Variants in PTPRD observed in about 807,000 individuals in gnomAD.
PTPRD encodes receptor-type tyrosine-protein phosphatase delta.
In PTPRD, 34 loss-of-function variants were observed where a neutral mutation model predicts 214.5. The ratio of observed to expected loss-of-function variants is 0.16; its 90% CI spans 0.12 to 0.21. The LOEUF (loss-of-function observed/expected upper bound fraction) is 0.21. Ranked by LOEUF, PTPRD falls within the 10% of genes least tolerant of loss-of-function variation. The pLI is 1.00. For missense variants in PTPRD, 2,545 were observed against 2,398.7 expected (o/e 1.06, Z -1.27); for synonymous variants, 1,128 against 845.7 (o/e 1.33, Z -5.79).
intron 36 of PTPRD, among the ~76,000 whole-genome samples, chr9:8,396,663 T>A (rs1462781612): frequency 6.6e-6 from 1 of 152,170 alleles, no homozygotes. Flanking sequence ...TTAAAAATGC[T>A]TTTTCTCTTT....
chr9:9,949,171 A>G (rs2093161636), intron 4 of PTPRD, among the ~76,000 whole-genome samples: 1 of 152,114 alleles, frequency 6.6e-6, no homozygotes. Context: ...TGTAGAAAAT[A>G]TTCCTTAAAA....
chr9:8,616,397 C>T (rs2095613410), intron 14 of PTPRD, among the ~76,000 whole-genome samples: 1 of 152,090 alleles, frequency 6.6e-6, no homozygotes, highest in Admixed American at 6.6e-5. Flanking sequence ...AAATATTTAA[C>T]ACCTTGCTTT....
rs370442357 is a variant in PTPRD at position 9,376,356 on chromosome 9, T to C, written c.-203+21093A>G. Among the ~76,000 whole-genome samples the C allele has an allele frequency of 1.3e-3, 202 of 152,298 alleles. 3 individuals are homozygous for C. In the South Asian group the frequency reaches 0.04, roughly 30 times the overall value. On this transcript the variant is annotated intron_variant, in intron 9 of 45. Coordinates refer to ENST00000381196, the MANE Select transcript of PTPRD (RefSeq NM_002839.4). Reference sequence around the variant, plus strand: ...CTCCTATAAAATTTGACTTTGGCTATAGACAACTTAATCAGTGATTACTAA... The same window carrying C: ...CTCCTATAAAATTTGACTTTGGCTACAGACAACTTAATCAGTGATTACTAA...
intron 5 of PTPRD, among the ~76,000 whole-genome samples, chr9:9,888,425 A>T (rs1337025060): frequency 6.6e-6 from 1 of 152,004 alleles, no homozygotes; most frequent in African/African-American, 2.4e-5. Flanking sequence ...CTCATGTGAA[A>T]ATCTCATCTT....
At chr9:9,748,491 A>G (rs1192468911) in intron 6 of PTPRD, among the ~76,000 whole-genome samples, 1 of 152,260 alleles carries the variant, frequency 6.6e-6, no homozygotes, top group Non-Finnish European at 1.5e-5. Flanking sequence ...ACTTATTTTG[A>G]AAACAGAAAA....
At chr9:9,676,245 T>G (rs778646601) in intron 7 of PTPRD, among the ~76,000 whole-genome samples, 28 of 151,932 alleles carry the variant, frequency 1.8e-4, no homozygotes, top group Non-Finnish European at 3.2e-4. Context: ...CATTTAACGT[T>G]AGGTGTATCT....
intron 12 of PTPRD, among the ~76,000 whole-genome samples, chr9:8,709,169 A>G (rs1426679840): frequency 6.6e-6 from 1 of 152,104 alleles, no homozygotes; most frequent in African/African-American, 2.4e-5. Flanking sequence ...AGTTCAACAG[A>G]TCTACTGTAC....
At chr9:10,171,006 C>A (rs2099200719) in intron 3 of PTPRD, among the ~76,000 whole-genome samples, 1 of 152,138 alleles carries the variant, frequency 6.6e-6, no homozygotes, top group Admixed American at 6.5e-5. Context: ...CAGTCTAGCA[C>A]CATTACAATT....
chr9:9,134,819 G>A (rs1280946276), intron 10 of PTPRD, among the ~76,000 whole-genome samples: 1 of 152,112 alleles, frequency 6.6e-6, no homozygotes, highest in Non-Finnish European at 1.5e-5. Flanking sequence ...GTGTGTGTGT[G>A]TGTGTTTTCA....
At chr9:8,899,707 A>G (rs2098650663) in intron 11 of PTPRD, among the ~76,000 whole-genome samples, 1 of 152,178 alleles carries the variant, frequency 6.6e-6, no homozygotes, top group Non-Finnish European at 1.5e-5. Flanking sequence ...TTCTCCTTTC[A>G]CTTGCATTTG....
chr9:9,253,774 G>C (rs2099976467), intron 9 of PTPRD, among the ~76,000 whole-genome samples: 1 of 152,078 alleles, frequency 6.6e-6, no homozygotes, highest in Non-Finnish European at 1.5e-5. Context: ...ATTTGTTTCT[G>C]AGAACTGCTG....
rs1040287075 is a variant in PTPRD at position 8,557,848 on chromosome 9, A to T, written c.353-29069T>A. Among the ~76,000 whole-genome samples, 3 of 151,786 alleles carry T rather than the reference A, an allele frequency of 2.0e-5. No homozygotes were observed. In the East Asian group the frequency reaches 5.8e-4, roughly 29 times the overall value. On this transcript the variant is annotated intron_variant, in intron 14 of 45. Coordinates refer to ENST00000381196, the MANE Select transcript of PTPRD (RefSeq NM_002839.4). Reference sequence around the variant, plus strand: ...CATATGCATATATGTGTATATATATAAATTTATAAATTTGTAGGTATACAT... The same window carrying T: ...CATATGCATATATGTGTATATATATTAATTTATAAATTTGTAGGTATACAT...
At chr9:8,355,133 G>A (rs2076648568) in intron 39 of PTPRD, among the ~76,000 whole-genome samples, 1 of 152,062 alleles carries the variant, frequency 6.6e-6, no homozygotes, top group African/African-American at 2.4e-5. Context: ...CCTCACGGTG[G>A]TAATGAGGGA....
At chr9:8,499,455 TCATTA>T (rs1436566849) in intron 25 of PTPRD, among the ~76,000 whole-genome samples, 187 bp downstream of exon 25, 3 of 152,226 alleles carry the variant, frequency 2.0e-5, no homozygotes, top group East Asian at 1.9e-4. Context: ...GAGTGTCATT[TCATTA>T]CAATTCCCTT....
chr9:9,949,854 A>C (rs1230994152), intron 4 of PTPRD, among the ~76,000 whole-genome samples: 2 of 152,166 alleles, frequency 1.3e-5, no homozygotes, highest in Non-Finnish European at 2.9e-5. Flanking sequence ...AAGGAAATTG[A>C]ATCTTTGATG....
At chr9:8,543,166 G>A (rs1180589556) in intron 14 of PTPRD, among the ~76,000 whole-genome samples, 1 of 152,172 alleles carries the variant, frequency 6.6e-6, no homozygotes, top group Non-Finnish European at 1.5e-5. Context: ...CAGAAGCGAT[G>A]TAATAAAACC....
intron 5 of PTPRD, among the ~76,000 whole-genome samples, chr9:9,782,505 T>C (rs1012974567): frequency 5.9e-5 from 9 of 152,174 alleles, no homozygotes; most frequent in Non-Finnish European, 1.2e-4. Flanking sequence ...AAAGAATATT[T>C]TCTAAACATT....
intron 7 of PTPRD, among the ~76,000 whole-genome samples, chr9:9,724,491 G>A (rs1015983539): frequency 2.0e-5 from 3 of 152,072 alleles, no homozygotes; most frequent in African/African-American, 7.2e-5. Context: ...GAGGTAGTAA[G>A]GCTTGGATAG....
intron 10 of PTPRD, among the ~76,000 whole-genome samples, chr9:9,095,333 A>G (rs973731335): frequency 2.0e-5 from 3 of 152,212 alleles, no homozygotes; most frequent in Non-Finnish European, 2.9e-5. Context: ...CACAGCCAAT[A>G]TGACTGTCTA....
Sources: allele counts gnomAD v4.1 joint callset (sites outside exome capture counted in the v4.1 genomes callset), GRCh38; gene constraint gnomAD v4.1.1; transcripts MANE v1.5; gene names NCBI Gene and HGNC (gene_info 2026-07-23, HGNC 2026-07-21).